KHDRBS2: variants seen among roughly 807,000 people sequenced by gnomAD.
KHDRBS2 encodes the protein KH domain-containing, RNA-binding, signal transduction-associated protein 2.
A neutral mutation model predicts 44.3 loss-of-function variants in KHDRBS2; 26 were observed. The observed-to-expected ratio is 0.59, with a 90% confidence interval of 0.43 to 0.81. The LOEUF (loss-of-function observed/expected upper bound fraction) is 0.81. Ranked by LOEUF, KHDRBS2 falls within the 40% of genes least tolerant of loss-of-function variation. KHDRBS2 has a pLI of 0.00. For synonymous variants in KHDRBS2, 194 were observed against 151.1 expected (o/e 1.28, Z -2.08); for missense variants, 476 against 433.1 (o/e 1.10, Z -0.88).
the KHDRBS2 span, among the ~76,000 whole-genome samples, chr6:61,616,506 T>G: frequency 6.7e-6 from 1 of 150,306 alleles, no homozygotes; most frequent in Admixed American, 6.6e-5. Flanking sequence ...TATAATGCTA[T>G]TGCTTTCTAA....
intron 1 of KHDRBS2, among the ~76,000 whole-genome samples, chr6:62,193,209 G>T (rs767794159): frequency 4.6e-5 from 7 of 151,758 alleles, no homozygotes; most frequent in Non-Finnish European, 1.0e-4. Flanking sequence ...TGTTTTCCAG[G>T]GATAAACACT....
chr6:61,729,281 A>G (rs147355106), intron 7 of KHDRBS2, among the ~76,000 whole-genome samples: 29 of 152,270 alleles, frequency 1.9e-4, no homozygotes, highest in Middle Eastern at 3.4e-3. Flanking sequence ...AAATGATGAG[A>G]ACACATGGGC....
the KHDRBS2 span, among the ~76,000 whole-genome samples, chr6:61,553,151 G>T: frequency 6.6e-6 from 1 of 152,058 alleles, no homozygotes; most frequent in Non-Finnish European, 1.5e-5. Flanking sequence ...TGGATAGTAG[G>T]CTTTTTATTA....
chr6:62,015,050 T>A (rs543551602), intron 3 of KHDRBS2, among the ~76,000 whole-genome samples: 84 of 152,194 alleles, frequency 5.5e-4, no homozygotes, highest in African/African-American at 1.9e-3. Context: ...TAATCAGTAA[T>A]TGAGATTAGG....
chr6:62,055,498 C>T (rs1454029117), intron 2 of KHDRBS2, among the ~76,000 whole-genome samples: 3 of 151,958 alleles, frequency 2.0e-5, no homozygotes, highest in Non-Finnish European at 4.4e-5. Context: ...TAAATGAATA[C>T]AACCATAATG....
intron 2 of KHDRBS2, among the ~76,000 whole-genome samples, chr6:62,115,466 G>C (rs545732622): frequency 6.6e-6 from 1 of 152,162 alleles, no homozygotes; most frequent in Non-Finnish European, 1.5e-5. Flanking sequence ...AAATAGCAAA[G>C]CTAGGATGAA....
chr6:61,636,207 CAAATGACATCTGCA>C, the KHDRBS2 span, among the ~76,000 whole-genome samples: 4 of 152,026 alleles, frequency 2.6e-5, no homozygotes, highest in Non-Finnish European at 5.9e-5. Context: ...TTTACATGTT[CAAATGACATCTGCA>C]AAATGAGAAA....
chr6:61,630,945 C>T, the KHDRBS2 span, among the ~76,000 whole-genome samples: 1 of 152,086 alleles, frequency 6.6e-6, no homozygotes, highest in East Asian at 1.9e-4. Flanking sequence ...GGCAGGATTG[C>T]TTTGGAAACA....
At chr6:61,563,613 T>C in the KHDRBS2 span, among the ~76,000 whole-genome samples, 48 of 152,060 alleles carry the variant, frequency 3.2e-4, 1 homozygote, top group African/African-American at 1.1e-3. Flanking sequence ...TCACAGTCGA[T>C]GGAATATGGA....
chr6:62,215,191 CTT>C (rs1246277950), intron 1 of KHDRBS2, among the ~76,000 whole-genome samples: 6 of 151,906 alleles, frequency 3.9e-5, no homozygotes, highest in African/African-American at 1.4e-4. Context: ...AAAAATATAA[CTT>C]ATATACACAA....
chr6:61,561,001 C>T, the KHDRBS2 span, among the ~76,000 whole-genome samples: 2 of 152,050 alleles, frequency 1.3e-5, no homozygotes, highest in Non-Finnish European at 2.9e-5. Flanking sequence ...GTGCTGTGAT[C>T]TAAGTTTTTG....
intron 2 of KHDRBS2, among the ~76,000 whole-genome samples, chr6:62,101,560 G>A (rs1378412893): frequency 6.6e-5 from 10 of 152,166 alleles, no homozygotes; most frequent in Non-Finnish European, 1.0e-4. Flanking sequence ...GCTCAGACAA[G>A]AGTGTCAGCC....
Position 62,040,895 on chromosome 6 carries a change from C to A in KHDRBS2, c.336+6983G>T, listed in dbSNP as rs533230644. 3.3e-5 allele frequency among the ~76,000 whole-genome samples: 5 copies of A among 151,958 alleles called. No individual in the cohort carries two copies. The South Asian group carries it at 1.0e-3, about 32-fold the overall frequency. ...AGATTCAAGGGGAAGAGAATTGGAC[C>A]CTATTCATCTCTCTCTAAAATAAAT... On this transcript the variant is annotated intron_variant, in intron 3 of 8. Coordinates refer to ENST00000281156, the MANE Select transcript of KHDRBS2 (RefSeq NM_152688.4).
chr6:61,975,201 A>G (rs1772316029), intron 4 of KHDRBS2, among the ~76,000 whole-genome samples: 1 of 152,150 alleles, frequency 6.6e-6, no homozygotes, highest in Non-Finnish European at 1.5e-5. Context: ...TAAATTCTGG[A>G]TAACATACAA....
chr6:61,813,172 T>C (rs1182716702), intron 6 of KHDRBS2, among the ~76,000 whole-genome samples: 1 of 152,112 alleles, frequency 6.6e-6, no homozygotes, highest in African/African-American at 2.4e-5. Flanking sequence ...ATGGAAAAAG[T>C]ATTCTGGTAT....
the KHDRBS2 span, among the ~76,000 whole-genome samples, chr6:61,668,965 G>C: frequency 6.6e-6 from 1 of 150,754 alleles, no homozygotes; most frequent in African/African-American, 2.4e-5. Context: ...TTTTTCTAGA[G>C]GGACAATTTC....
intron 3 of KHDRBS2, among the ~76,000 whole-genome samples, chr6:62,042,584 G>C (rs1012091806): frequency 2.0e-5 from 3 of 152,106 alleles, no homozygotes; most frequent in African/African-American, 7.2e-5. Context: ...CAGGATTTGA[G>C]AGACTATTAT....
intron 2 of KHDRBS2, among the ~76,000 whole-genome samples, chr6:62,092,580 C>T (rs1211441331): frequency 1.3e-5 from 2 of 152,138 alleles, no homozygotes; most frequent in Middle Eastern, 3.2e-3. Context: ...TAATTGTCTA[C>T]CTGACTTAAG....
At chr6:62,230,908 A>C (rs1832793518) in intron 1 of KHDRBS2, among the ~76,000 whole-genome samples, 1 of 152,208 alleles carries the variant, frequency 6.6e-6, no homozygotes, top group Non-Finnish European at 1.5e-5. Flanking sequence ...AAACAAATTC[A>C]AAATGCTATC....
Sources: gnomAD v4.1 joint callset for allele counts (sites outside exome capture counted in the v4.1 genomes callset) on GRCh38, gnomAD v4.1.1 for gene constraint, MANE v1.5 for transcripts, NCBI Gene and HGNC (gene_info 2026-07-23, HGNC 2026-07-21) for gene names.